The following ACVR1B variants were observed in gnomAD, a reference collection of about 807,000 sequenced individuals.
ACVR1B encodes activin receptor type-1B.
A neutral mutation model predicts 55.6 loss-of-function variants in ACVR1B; 15 were observed. The observed-to-expected ratio is 0.27, with a 90% CI of 0.18 to 0.42. The LOEUF (loss-of-function observed/expected upper bound fraction) is 0.42, where lower values mean the gene tolerates loss of function less well. Ranked by LOEUF, ACVR1B falls within the 10% of genes least tolerant of loss-of-function variation. The probability of loss-of-function intolerance (pLI) is 1.00; values close to 1 mark genes in which losing one functional copy is unlikely to be tolerated. For missense variants in ACVR1B, 359 were observed against 670.1 expected (o/e 0.54, Z 5.13); for synonymous variants, 247 against 254.6 (o/e 0.97, Z 0.28).
intron 8 of ACVR1B, 189 bp downstream of exon 8, chr12:51,992,182 T>TCCAG: frequency 1.4e-6 from 1 of 729,986 alleles, no homozygotes. Context: ...CCCTGTAGGG[T>TCCAG]GCCATTTGGA....
At chr12:51,966,885 A>G (rs1292723030) in intron 1 of ACVR1B, among the ~76,000 whole-genome samples, 1 of 152,244 alleles carries the variant, frequency 6.6e-6, no homozygotes, top group Non-Finnish European at 1.5e-5. Flanking sequence ...GGAAACTGCA[A>G]TTTAAAATAT....
At chr12:51,993,104 C>G (rs1290575100) in intron 8 of ACVR1B, among the ~76,000 whole-genome samples, 2 of 152,178 alleles carry the variant, frequency 1.3e-5, no homozygotes, top group South Asian at 2.1e-4. Flanking sequence ...AGTTAGTGAA[C>G]ACATCTGTCA....
At chr12:51,958,792 A>G (rs1416781017) in intron 1 of ACVR1B, among the ~76,000 whole-genome samples, 2 of 152,230 alleles carry the variant, frequency 1.3e-5, no homozygotes, top group African/African-American at 4.8e-5. Flanking sequence ...CTGATGTGAC[A>G]GGAGGCAGAG....
rs1942277145 is a variant in ACVR1B at position 51,995,190 on chromosome 12, A to C, written c.*1080A>C. On this transcript the variant is annotated 3_prime_UTR_variant, in exon 9 of 9. Coordinates refer to ENST00000257963, the MANE Select transcript of ACVR1B (RefSeq NM_004302.5). ...AATGTGAAGCCAGATCTCGGGACTC[A>C]GATTGGAATGTTACATCTGTCTTTC... 1 of 151,610 alleles carries C rather than the reference A, an allele frequency of 6.6e-6. No individual in the cohort carries two copies. The highest frequency in any genetic ancestry group is 2.1e-4 in the South Asian group (1 of 4,730). The allele number at this position is 151,610 out of a possible 1,614,324, so 9.4% of individuals were successfully genotyped here. A position where few individuals can be genotyped will look rare whatever the true frequency, so the allele number is the denominator to read the frequency against.
At chr12:51,993,858 G>A (rs989415382) in intron 8 of ACVR1B, 127 bp from the exon 9 acceptor site, 57 of 1,095,272 alleles carry the variant, frequency 5.2e-5, no homozygotes, top group Admixed American at 9.9e-5. Context: ...AAGGTCGGCC[G>A]CCGGGTGGAT....
At chr12:51,993,805 G>C (rs9795555) in intron 8 of ACVR1B, among the ~76,000 whole-genome samples, 180 bp from the exon 9 acceptor site, 2,030 of 115,758 alleles carry the variant, frequency 0.018, 25 homozygotes, top group Non-Finnish European at 0.021. Context: ...AAAAAAAAAA[G>C]GAAGAGCCAG....
intron 1 of ACVR1B, among the ~76,000 whole-genome samples, chr12:51,953,991 G>T (rs548699790): frequency 5.3e-5 from 8 of 152,194 alleles, no homozygotes; most frequent in African/African-American, 1.9e-4. Context: ...TCCAGGACAC[G>T]TCTAGTTGCC....
At chr12:51,962,756 T>C (rs1438461226) in intron 1 of ACVR1B, among the ~76,000 whole-genome samples, 4 of 152,144 alleles carry the variant, frequency 2.6e-5, no homozygotes, top group Non-Finnish European at 1.5e-5. Flanking sequence ...ATTGTCTTTC[T>C]TTTTAAGACA....
At chr12:51,981,518 C>T (rs1941978215) in intron 4 of ACVR1B, among the ~76,000 whole-genome samples, 1 of 152,136 alleles carries the variant, frequency 6.6e-6, no homozygotes, top group African/African-American at 2.4e-5. Flanking sequence ...TGCAGGGGGT[C>T]CCGTAAGCTT....
intron 1 of ACVR1B, among the ~76,000 whole-genome samples, chr12:51,961,149 C>CCTA (rs1310286889): frequency 6.6e-6 from 1 of 152,162 alleles, no homozygotes; most frequent in Non-Finnish European, 1.5e-5. Flanking sequence ...TTCCCCTCAG[C>CCTA]CTGTATTGGT....
chr12:51,962,873 T>C (rs1002657807), intron 1 of ACVR1B, among the ~76,000 whole-genome samples: 4 of 152,166 alleles, frequency 2.6e-5, no homozygotes, highest in African/African-American at 9.7e-5. Flanking sequence ...CTGAGATCTG[T>C]TGAGTGAGGT....
At chr12:51,982,537 G>A (rs539614737) in intron 4 of ACVR1B, 1 of 845,078 alleles carries the variant, frequency 1.2e-6, no homozygotes, top group African/African-American at 1.8e-5. Flanking sequence ...GGAGCACAGA[G>A]AGGATGCTGT....
chr12:51,956,811 A>G (rs1941419568), intron 1 of ACVR1B, among the ~76,000 whole-genome samples: 1 of 151,752 alleles, frequency 6.6e-6, no homozygotes, highest in South Asian at 2.1e-4. Context: ...CCCAGGTTAG[A>G]GTCCAGTGAC....
chr12:51,951,727 C>CGGCGGT lies in ACVR1B; in HGVS notation c.-12_-11insTGGCGG, dbSNP rs777955731. 4.1e-6 allele frequency: 5 copies of CGGCGGT among 1,216,192 alleles called. No homozygotes were observed. In the African/African-American group the frequency reaches 7.9e-5, roughly 19 times the overall value. 75.3% of individuals were successfully genotyped at this position (1,216,192 alleles called of 1,614,324 possible). A position where few individuals can be genotyped will look rare whatever the true frequency, so the allele number is the denominator to read the frequency against. On this transcript the variant is annotated 5_prime_UTR_variant, in exon 1 of 9. Coordinates refer to ENST00000257963, the MANE Select transcript of ACVR1B (RefSeq NM_004302.5). ...CGCTGCTGGGCTGCGGCGGCGGCGG[C>CGGCGGT]GGCGGCGGTGGTTACTATGGCGGAG...
chr12:51,978,029 T>G (rs1212493923), intron 3 of ACVR1B, among the ~76,000 whole-genome samples: 2 of 152,036 alleles, frequency 1.3e-5, no homozygotes, highest in Non-Finnish European at 2.9e-5. Flanking sequence ...TGCCCAGACA[T>G]TCTGCTTGAC....
intron 7 of ACVR1B, chr12:51,987,167 T>C (rs761643509): frequency 2.8e-6 from 2 of 712,288 alleles, no homozygotes; most frequent in Non-Finnish European, 5.2e-6. Context: ...ATGGTAACCA[T>C]TCTGAAGGCT....
Position 51,984,086 on chromosome 12 carries a change from C to A in ACVR1B, c.899C>A (p.Thr300Lys), listed in dbSNP as rs776626070. The A allele has an allele frequency of 3.1e-6, 5 of 1,614,046 alleles. No individual in the cohort carries two copies. Among genetic ancestry groups the A allele is most frequent in the Non-Finnish European group, 3.4e-6 (4 of 1,180,038 alleles). ...GATTATCTGAACCGGTACACAGTGA[C>A]AATTGAGGGGATGATTAAGCTGGCC... ...LFDYLNRYTV[T>K]IEGMIKLALS... Residue 300 changes from threonine (T) to lysine (K), a missense_variant, in exon 5 of 9, where the codon ACA (threonine) becomes AAA (lysine). Thr to Lys is a moderately conservative substitution (Grantham distance 78). Around this residue, in one of 5 missense-constraint regions of ACVR1B, gnomAD observed 119 missense variants for 340.2 expected, o/e 0.35. Transcript: ENST00000257963.
intron 4 of ACVR1B, among the ~76,000 whole-genome samples, chr12:51,983,325 T>C (rs1455712988): frequency 6.6e-6 from 1 of 152,200 alleles, no homozygotes; most frequent in Non-Finnish European, 1.5e-5. Context: ...GCACTCTACC[T>C]TCCATTGCTC....
intron 1 of ACVR1B, among the ~76,000 whole-genome samples, chr12:51,952,475 C>A (rs556420985): frequency 1.3e-5 from 2 of 152,200 alleles, no homozygotes; most frequent in Non-Finnish European, 1.5e-5. Flanking sequence ...GGCAATCCCC[C>A]CTCCGCCCTC....
Sources: gnomAD v4.1 joint callset for allele counts (sites outside exome capture counted in the v4.1 genomes callset) on GRCh38, gnomAD v4.1.1 for gene constraint, gnomAD v4.1.1 regional missense constraint, MANE v1.5 for transcripts, NCBI Gene and HGNC (gene_info 2026-07-23, HGNC 2026-07-21) for gene names.